The following UTP20 variants were observed in gnomAD, a reference collection of about 807,000 sequenced individuals.
UTP20 encodes the protein small subunit processome component 20 homolog.
Under a neutral mutation model 329.5 loss-of-function variants are expected in UTP20, and 164 were observed. The ratio of observed to expected loss-of-function variants is 0.50; its 90% CI spans 0.44 to 0.57. The LOEUF is 0.57. UTP20 is among the 20% of genes least tolerant of loss of function. The pLI is 0.00. For missense variants in UTP20, 3,055 were observed against 3,284.2 expected (o/e 0.93, Z 1.71); for synonymous variants, 1,151 against 1,159.3 (o/e 0.99, Z 0.14).
Position 101,331,177 on chromosome 12 carries a change from T to TA in UTP20, c.3417+1729dup, listed in dbSNP as rs1484684535. Among the ~76,000 whole-genome samples the TA allele has an allele frequency of 2.6e-5, 4 of 152,338 alleles. No individual in the cohort carries two copies. In the East Asian group the frequency reaches 7.7e-4, roughly 29 times the overall value. On this transcript the variant is annotated intron_variant, in intron 27 of 61. Transcript: ENST00000261637. Reference sequence around the variant, plus strand: ...ATTGCTCATTTTCAGGATTTTTCTCTAGTTTATTCAACAATTATTGAGTAA... The same window carrying TA: ...ATTGCTCATTTTCAGGATTTTTCTCTAAGTTTATTCAACAATTATTGAGTAA...
chr12:101,351,293 A>G (rs934465701), intron 38 of UTP20, among the ~76,000 whole-genome samples: 2 of 151,904 alleles, frequency 1.3e-5, no homozygotes, highest in Non-Finnish European at 2.9e-5. Context: ...TGCCCAGCTA[A>G]TTTTTGTATT....
At chr12:101,339,259 G>A (rs1436707483) in intron 31 of UTP20, among the ~76,000 whole-genome samples, 3 of 152,152 alleles carry the variant, frequency 2.0e-5, no homozygotes, top group Non-Finnish European at 4.4e-5. Flanking sequence ...GTTGCAGTGA[G>A]CCGAGATCGC....
At chr12:101,338,661 G>A (rs954397206) in intron 30 of UTP20, 152 bp from the exon 31 acceptor site, 3 of 677,428 alleles carry the variant, frequency 4.4e-6, no homozygotes, top group African/African-American at 1.9e-5. Context: ...TAAGAAGAAA[G>A]TTGTTTATTT....
At chr12:101,351,535 T>TC (rs1275168989) in intron 38 of UTP20, among the ~76,000 whole-genome samples, 4 of 150,998 alleles carry the variant, frequency 2.6e-5, no homozygotes, top group African/African-American at 9.7e-5. Flanking sequence ...ACTTTTTTTT[T>TC]TTTTTTTTTT....
chr12:101,307,168 ACTCCGTCT>A (rs1488593599), intron 17 of UTP20, among the ~76,000 whole-genome samples: 1 of 139,108 alleles, frequency 7.2e-6, no homozygotes, highest in Non-Finnish European at 1.5e-5. Context: ...ACAGAGCGAG[ACTCCGTCT>A]CAAAAAAAAA....
intron 58 of UTP20, among the ~76,000 whole-genome samples, chr12:101,382,225 C>T (rs149594945): frequency 1.3e-5 from 2 of 151,814 alleles, no homozygotes; most frequent in African/African-American, 2.4e-5. Flanking sequence ...GCCAACATGG[C>T]GAAACCCTGT....
chr12:101,334,958 G>A (rs1228057627), intron 29 of UTP20, among the ~76,000 whole-genome samples: 10 of 150,542 alleles, frequency 6.6e-5, no homozygotes, highest in South Asian at 6.3e-4. Context: ...GGGTGAAAGC[G>A]AGACCCTGTC....
chr12:101,312,534 C>G (rs1872829439), intron 21 of UTP20, among the ~76,000 whole-genome samples: 1 of 152,182 alleles, frequency 6.6e-6, no homozygotes, highest in Admixed American at 6.5e-5. Context: ...CTTCACCTCC[C>G]AGATTCAAGC....
At chr12:101,344,880 T>G in intron 36 of UTP20, 130 bp downstream of exon 36, 1 of 619,722 alleles carries the variant, frequency 1.6e-6, no homozygotes. Context: ...GTTGAGTAAA[T>G]AGTCACCAGA....
At chr12:101,353,195 T>G in intron 40 of UTP20, 66 bp downstream of exon 40, 1 of 1,133,254 alleles carries the variant, frequency 8.8e-7, no homozygotes, top group Non-Finnish European at 1.3e-6. Flanking sequence ...TGGTAATTAA[T>G]TAAAGATGGT....
intron 25 of UTP20, 34 bp from the exon 26 acceptor site, chr12:101,327,047 T>C: frequency 1.3e-5 from 20 of 1,563,462 alleles, no homozygotes; most frequent in Non-Finnish European, 1.7e-5. Context: ...TTAGAATTAA[T>C]GTGCAAACAA....
intron 5 of UTP20, among the ~76,000 whole-genome samples, chr12:101,288,310 AG>A (rs1431602229): frequency 1.3e-5 from 2 of 152,230 alleles, no homozygotes; most frequent in Non-Finnish European, 2.9e-5. Flanking sequence ...TTCTATCATT[AG>A]GGAGACCAAA....
chr12:101,299,946 T>C, intron 13 of UTP20, 27 bp from the exon 14 acceptor site: 2 of 1,612,738 alleles, frequency 1.2e-6, no homozygotes, highest in Non-Finnish European at 1.7e-6. Flanking sequence ...CAGTTTGAAC[T>C]TTTCCCTTTT....
intron 46 of UTP20, among the ~76,000 whole-genome samples, chr12:101,366,296 C>T (rs1044621905): frequency 3.9e-5 from 6 of 152,134 alleles, no homozygotes; most frequent in Non-Finnish European, 7.4e-5. Flanking sequence ...AAGAGAGACT[C>T]GTTGGCATTT....
At chr12:101,309,922 G>A (rs1446468201) in intron 19 of UTP20, 83 bp downstream of exon 19, 1 of 1,293,846 alleles carries the variant, frequency 7.7e-7, no homozygotes, top group Non-Finnish European at 1.1e-6. Flanking sequence ...CCTTCTGGGT[G>A]TGATTTAAAT....
chr12:101,291,204 G>A (rs1872135054), intron 8 of UTP20: 1 of 210,042 alleles, frequency 4.8e-6, no homozygotes, highest in Non-Finnish European at 9.3e-6. Flanking sequence ...ATAAATGGGG[G>A]TAGTAATATT....
chr12:101,281,401 CAT>C, intron 2 of UTP20, among the ~76,000 whole-genome samples: 1 of 152,306 alleles, frequency 6.6e-6, no homozygotes, highest in East Asian at 1.9e-4. Flanking sequence ...TAGTTGCTAA[CAT>C]ATTGAATAAA....
chr12:101,338,951 T>C lies in UTP20; in HGVS notation c.4007T>C (p.Leu1336Pro). The C allele has an allele frequency of 6.3e-7, 1 of 1,590,598 alleles. No individual in the cohort carries two copies. The change falls in exon 31 of 62, where the codon CTT becomes CCT. Residue 1336 changes from leucine (L) to proline (P), a missense_variant. Transcript: ENST00000261637. ...CAAGTCAGTAAAGAGCTTGGCATTCTTTCAAAGTAAGTGATATGTTGATAC... is the reference window on the plus strand; with the variant it reads ...CAAGTCAGTAAAGAGCTTGGCATTCCTTCAAAGTAAGTGATATGTTGATAC... ...RAQVSKELGI[L>P]SKISKFMKDK...
At chr12:101,360,301 C>T (rs1245682585) in intron 43 of UTP20, among the ~76,000 whole-genome samples, 3 of 152,072 alleles carry the variant, frequency 2.0e-5, no homozygotes, top group Non-Finnish European at 4.4e-5. Flanking sequence ...ACTCAGGTGG[C>T]CGAAGTGGGA....
Sources: gnomAD v4.1 joint callset for allele counts (sites outside exome capture counted in the v4.1 genomes callset) on GRCh38, gnomAD v4.1.1 for gene constraint, MANE v1.5 for transcripts, NCBI Gene and HGNC (gene_info 2026-07-23, HGNC 2026-07-21) for gene names.